The following KCNG3 variants were observed in gnomAD, a reference collection of about 807,000 sequenced individuals.
KCNG3 encodes voltage-gated potassium channel regulatory subunit KCNG3.
KCNG3 carries 15 observed loss-of-function variants against 29.0 expected under a neutral mutation model. The observed-to-expected ratio is 0.52, with a 90% CI of 0.35 to 0.80. KCNG3 has a LOEUF of 0.80. Among genes scored for constraint, KCNG3 ranks in the 30% least tolerant of loss-of-function variants. The probability of loss-of-function intolerance (pLI) is 0.01; values close to 1 mark genes in which losing one functional copy is unlikely to be tolerated. For missense variants in KCNG3, 512 were observed against 605.7 expected (o/e 0.85, Z 1.62); for synonymous variants, 322 against 248.9 (o/e 1.29, Z -2.76).
intron 1 of KCNG3, among the ~76,000 whole-genome samples, chr2:42,457,383 A>C (rs1672901221): frequency 1.3e-5 from 2 of 151,600 alleles, no homozygotes; most frequent in African/African-American, 2.4e-5. Flanking sequence ...ACTCCCAGCA[A>C]CCTGGGAGGC....
intron 1 of KCNG3, among the ~76,000 whole-genome samples, chr2:42,466,909 C>T (rs752949537): frequency 1.1e-4 from 16 of 151,812 alleles, no homozygotes; most frequent in Non-Finnish European, 1.5e-4. Flanking sequence ...CTTGCCACCA[C>T]GTCTGGCTAA....
chr2:42,416,439 C>A, the KCNG3 span, among the ~76,000 whole-genome samples: 1 of 151,990 alleles, frequency 6.6e-6, no homozygotes, highest in Non-Finnish European at 1.5e-5. Context: ...CAACAAGATG[C>A]GGTCTAAAAC....
At chr2:42,487,339 TTTTC>T (rs1310206071) in intron 1 of KCNG3, among the ~76,000 whole-genome samples, 2 of 111,110 alleles carry the variant, frequency 1.8e-5, no homozygotes, top group South Asian at 6.8e-4. Flanking sequence ...TTTCTTTTTT[TTTTC>T]TTTCTTTTTT....
In KCNG3 at chr2:42,493,180, G is replaced by A. The variant is rs1034027214; in HGVS notation, c.322C>T (p.Leu108Phe). 1.9e-6 allele frequency: 3 copies of A among 1,609,176 alleles called. No individual in the cohort carries two copies. The highest frequency in any genetic ancestry group is 2.5e-6 in the Non-Finnish European group (3 of 1,179,812). Residue 108 changes from leucine to phenylalanine, a missense_variant, in exon 1 of 2, where the codon CTC becomes TTC. Around this residue, in one of 5 missense-constraint regions of KCNG3, gnomAD observed 228 missense variants for 200.0 expected, o/e 1.14. Coordinates refer to ENST00000306078, the MANE Select transcript of KCNG3 (RefSeq NM_133329.6). Reference protein sequence around the residue: ...MIYWGLEGAHLEYCCQRRLDD... With the variant: ...MIYWGLEGAHFEYCCQRRLDD... ...AGGCGGCGCTGGCAGCAGTACTCGA[G>A]GTGCGCGCCCTCCAGGCCCCAGTAG...
In KCNG3 at chr2:42,493,333, C is replaced by T. The variant is rs748790243; in HGVS notation, c.169G>A (p.Glu57Lys). The T allele has an allele frequency of 6.2e-7, 1 of 1,603,812 alleles. No individual in the cohort carries two copies. The highest frequency in any genetic ancestry group is 8.5e-7 in the Non-Finnish European group (1 of 1,175,396). Residue 57 changes from glutamate to lysine, a missense_variant, in exon 1 of 2, where the codon GAG becomes AAG. By Grantham distance (56) the Glu-to-Lys change is moderately conservative. This residue lies in a region of KCNG3 where 91 missense variants were observed against 91.1 expected (regional missense o/e 1.00). Transcript: ENST00000306078. ...VLEVCDDYDRERNEYFFDRHS... is the reference protein window; with the variant it reads ...VLEVCDDYDRKRNEYFFDRHS... ...CGGTCGAAGAAGTACTCGTTGCGCT[C>T]GCGGTCGTAGTCGTCGCACACCTCG... is the stretch of plus-strand genomic sequence containing the variant.
intron 1 of KCNG3, among the ~76,000 whole-genome samples, chr2:42,465,421 T>C (rs1426357074): frequency 6.6e-6 from 1 of 151,926 alleles, no homozygotes; most frequent in Non-Finnish European, 1.5e-5. Flanking sequence ...TTCACCATGT[T>C]GCCCAGGCTG....
At chr2:42,454,158 A>G (rs1672826966) in intron 1 of KCNG3, among the ~76,000 whole-genome samples, 1 of 152,134 alleles carries the variant, frequency 6.6e-6, no homozygotes, top group African/African-American at 2.4e-5. Context: ...GTAGGATTGT[A>G]AAAGGGTACA....
intron 1 of KCNG3, among the ~76,000 whole-genome samples, chr2:42,492,630 G>T (rs181231093): frequency 6.6e-6 from 1 of 152,236 alleles, no homozygotes; most frequent in Non-Finnish European, 1.5e-5. Flanking sequence ...TGCGTCTAGT[G>T]TAAGGGCCAG....
the KCNG3 span, among the ~76,000 whole-genome samples, chr2:42,429,227 GA>G: frequency 0.01 from 1,597 of 152,320 alleles, 33 homozygotes; most frequent in African/African-American, 0.035. Flanking sequence ...AACAGTTGGG[GA>G]AAGAATGTGG....
chr2:42,406,009 C>T, the KCNG3 span, among the ~76,000 whole-genome samples: 1 of 152,054 alleles, frequency 6.6e-6, no homozygotes, highest in African/African-American at 2.4e-5. Context: ...TCCCAAAGTG[C>T]TGGGATTACA....
At chr2:42,394,466 C>G in the KCNG3 span, among the ~76,000 whole-genome samples, 1 of 152,168 alleles carries the variant, frequency 6.6e-6, no homozygotes, top group East Asian at 1.9e-4. Flanking sequence ...TTCTCTAGAC[C>G]CTTGTCACAC....
the KCNG3 span, among the ~76,000 whole-genome samples, chr2:42,408,041 T>A: frequency 6.6e-6 from 1 of 152,206 alleles, no homozygotes; most frequent in South Asian, 2.1e-4. Context: ...GACAGCCAGG[T>A]GTGCACAGGC....
the KCNG3 span, among the ~76,000 whole-genome samples, chr2:42,413,505 C>T: frequency 2.0e-5 from 3 of 151,976 alleles, no homozygotes; most frequent in Non-Finnish European, 4.4e-5. Context: ...TTTTCTTCTT[C>T]TAATGATTAA....
At position 42,493,211 on chromosome 2, in the gene KCNG3, C is replaced by G; in HGVS notation, c.291G>C (p.Glu97Asp). ...CGCCCTCCAGGCCCCAGTAGATCATCTCGTTGTAGAAGGAGAGCTCGCACA... is the reference window on the plus strand; with the variant it reads ...CGCCCTCCAGGCCCCAGTAGATCATGTCGTTGTAGAAGGAGAGCTCGCACA... Reference protein sequence around the residue: ...PRMCELSFYNEMIYWGLEGAH... With the variant: ...PRMCELSFYNDMIYWGLEGAH... Residue 97 changes from glutamate (E) to aspartate (D), a missense_variant, in exon 1 of 2, where the codon GAG (glutamate) becomes GAC (aspartate). By Grantham distance (45) the Glu-to-Asp change is conservative. Around this residue, in one of 5 missense-constraint regions of KCNG3, gnomAD observed 228 missense variants for 200.0 expected, o/e 1.14. Transcript: ENST00000306078. The G allele has an allele frequency of 6.2e-7, 1 of 1,611,300 alleles. No individual in the cohort carries two copies. Among genetic ancestry groups the G allele is most frequent in the Non-Finnish European group, 8.5e-7 (1 of 1,179,884 alleles).
At chr2:42,400,037 AGGTC>A in the KCNG3 span, among the ~76,000 whole-genome samples, 2 of 152,188 alleles carry the variant, frequency 1.3e-5, no homozygotes, top group African/African-American at 2.4e-5. Context: ...TGAGCCTGGA[AGGTC>A]GCGGCTGCAG....
At chr2:42,441,960 T>A (rs1174010055), downstream of KCNG3, 1 of 151,950 alleles carries the variant, frequency 6.6e-6, no homozygotes, top group Non-Finnish European at 1.5e-5. Flanking sequence ...AAGACAGTTA[T>A]AATTTACTTG....
intron 1 of KCNG3, among the ~76,000 whole-genome samples, chr2:42,464,837 CA>C (rs972918546): frequency 2.0e-5 from 3 of 152,120 alleles, no homozygotes; most frequent in Non-Finnish European, 4.4e-5. Flanking sequence ...GCACATAGCA[CA>C]ACGTGTAGTG....
chr2:42,493,587 G>A lies in KCNG3; in HGVS notation c.-86C>T. On this transcript the variant is annotated 5_prime_UTR_variant, in exon 1 of 2. Transcript: ENST00000306078. The stretch of plus-strand genomic sequence containing the variant: ...GCCACGCGGGGCCTGCCTGCCCGTG[G>A]CTGACGGGGGAGCGCGCCGTCGGGG... The A allele has an allele frequency of 1.7e-6, 2 of 1,186,434 alleles. No individual in the cohort carries two copies. Among genetic ancestry groups the A allele is most frequent in the South Asian group, 4.0e-5 (1 of 25,034 alleles). The allele number at this position is 1,186,434 out of a possible 1,614,324, so 73.5% of individuals were successfully genotyped here.
chr2:42,415,391 C>T, the KCNG3 span: 28,155 of 152,056 alleles, frequency 0.19, 3,049 homozygotes, highest in African/African-American at 0.31. Flanking sequence ...CTGTATTTTC[C>T]CATCCCAATA....
Sources: allele counts gnomAD v4.1 joint callset (sites outside exome capture counted in the v4.1 genomes callset), GRCh38; gene constraint gnomAD v4.1.1; regional missense constraint gnomAD v4.1.1; transcripts MANE v1.5; gene names NCBI Gene and HGNC (gene_info 2026-07-23, HGNC 2026-07-21).